Variants in GPHN observed in about 807,000 individuals in gnomAD.
GPHN encodes gephyrin.
Under a neutral mutation model 95.5 loss-of-function variants are expected in GPHN, and 17 were observed. The observed-to-expected ratio is 0.18, with a 90% CI of 0.12 to 0.27. The LOEUF (loss-of-function observed/expected upper bound fraction) is 0.27, where lower values mean the gene tolerates loss of function less well. GPHN is among the 10% of genes least tolerant of loss of function. The probability of loss-of-function intolerance (pLI) is 1.00; values close to 1 mark genes in which losing one functional copy is unlikely to be tolerated. For synonymous variants in GPHN, 320 were observed against 322.5 expected (o/e 0.99, Z 0.08); for missense variants, 660 against 978.1 (o/e 0.67, Z 4.34).
chr14:67,159,531 G>T (rs1264403803), intron 19 of GPHN, 43 bp downstream of exon 19: 2 of 1,151,090 alleles, frequency 1.7e-6, no homozygotes, highest in African/African-American at 3.0e-5. Context: ...GGTTGGTTTG[G>T]CTTGCTTTAA....
intron 1 of GPHN, among the ~76,000 whole-genome samples, chr14:66,676,536 C>T (rs760541988): frequency 6.6e-6 from 1 of 151,888 alleles, no homozygotes; most frequent in Non-Finnish European, 1.5e-5. Context: ...TTATCAGATG[C>T]TTTCTTTGGA....
At chr14:67,067,220 A>G (rs1427214047) in intron 11 of GPHN, among the ~76,000 whole-genome samples, 1 of 152,136 alleles carries the variant, frequency 6.6e-6, no homozygotes, top group Non-Finnish European at 1.5e-5. Flanking sequence ...AGTTTGCTGG[A>G]GGTCCACTCC....
chr14:67,111,406 T>C (rs2078364186), intron 14 of GPHN, among the ~76,000 whole-genome samples: 1 of 152,198 alleles, frequency 6.6e-6, no homozygotes, highest in Non-Finnish European at 1.5e-5. Flanking sequence ...AGGCAAACTA[T>C]AAGTCCTTTA....
At chr14:66,863,057 G>T (rs1209438959) in intron 4 of GPHN, among the ~76,000 whole-genome samples, 1 of 151,994 alleles carries the variant, frequency 6.6e-6, no homozygotes, top group Non-Finnish European at 1.5e-5. Context: ...CAGATGATAT[G>T]ATATTATATC....
Position 66,545,716 on chromosome 14 carries a change from G to A in GPHN, c.64+37125G>A, listed in dbSNP as rs1232878585. 8.1e-3 allele frequency among the ~76,000 whole-genome samples: 1,150 copies of A among 141,572 alleles called. 9 individuals carry two copies. Among genetic ancestry groups the A allele is most frequent in the Non-Finnish European group, 0.013 (811 of 64,624 alleles). 92.9% of individuals were successfully genotyped at this position (141,572 alleles called of 152,430 possible). A position where few individuals can be genotyped will look rare whatever the true frequency, so the allele number is the denominator to read the frequency against. ...AGGCGCCCCTCACCTCCCGGACGGG[G>A]TGGCTGGCCGGGCGGGGGGCTGACC... On this transcript the variant is annotated intron_variant, in intron 1 of 22. Transcript: ENST00000478722.
At chr14:67,177,829 G>A (rs1175009157) in intron 21 of GPHN, among the ~76,000 whole-genome samples, 1 of 152,182 alleles carries the variant, frequency 6.6e-6, no homozygotes, top group East Asian at 1.9e-4. Context: ...TTACCATTAA[G>A]TAATGGCCTT....
chr14:67,626,352 G>A, the GPHN span, among the ~76,000 whole-genome samples: 18 of 152,114 alleles, frequency 1.2e-4, no homozygotes, highest in African/African-American at 3.6e-4. Context: ...TATTGGTGAG[G>A]GTGTAAAAAG....
the GPHN span, among the ~76,000 whole-genome samples, chr14:67,525,380 T>G: frequency 1.3e-5 from 2 of 152,254 alleles, no homozygotes; most frequent in Non-Finnish European, 2.9e-5. Context: ...GATGGCTGCA[T>G]AGTATTTCAT....
At chr14:67,509,013 C>A in the GPHN span, among the ~76,000 whole-genome samples, 1 of 151,964 alleles carries the variant, frequency 6.6e-6, no homozygotes, top group Admixed American at 6.6e-5. Flanking sequence ...GGATTGGGGT[C>A]AAGAATCTGC....
intron 8 of GPHN, among the ~76,000 whole-genome samples, chr14:66,946,986 A>C (rs1056967324): frequency 1.3e-5 from 2 of 152,112 alleles, no homozygotes. Flanking sequence ...GCCAGAGTCG[A>C]CTTTTTAAAA....
intron 2 of GPHN, among the ~76,000 whole-genome samples, chr14:66,772,319 T>G (rs988247701): frequency 1.3e-5 from 2 of 152,248 alleles, no homozygotes; most frequent in Non-Finnish European, 2.9e-5. Flanking sequence ...CCCATCTGAT[T>G]ACTTAGATAG....
the GPHN span, among the ~76,000 whole-genome samples, chr14:67,415,515 T>G: frequency 3.3e-5 from 5 of 152,208 alleles, no homozygotes; most frequent in Non-Finnish European, 5.9e-5. Context: ...GGTGTAAATT[T>G]TTAAAATTCT....
At chr14:67,610,686 T>C in the GPHN span, among the ~76,000 whole-genome samples, 1 of 152,118 alleles carries the variant, frequency 6.6e-6, no homozygotes, top group Non-Finnish European at 1.5e-5. Context: ...GGTCCTGACA[T>C]CACCCACACT....
intron 6 of GPHN, 56 bp downstream of exon 6, chr14:66,916,125 AAGTT>A: frequency 8.3e-7 from 1 of 1,201,790 alleles, no homozygotes; most frequent in Non-Finnish European, 1.2e-6. Flanking sequence ...CCAGCCGTGA[AAGTT>A]AGCCAGCCAA....
At position 66,965,316 on chromosome 14, in the gene GPHN, A is replaced by G. The variant is rs2069245180; in HGVS notation, c.954A>G (p.Pro318=). The change falls in exon 9 of 23, where the codon CCA becomes CCG. Residue 318 remains proline, a synonymous_variant. Coordinates refer to ENST00000478722, the MANE Select transcript of GPHN (RefSeq NM_020806.5). Reference sequence around the variant, plus strand: ...CTCGCCTCTCTACAGCTTCCTGCCCAACACCAAAAGTAAGTATGGTTCCTT... The same window carrying G: ...CTCGCCTCTCTACAGCTTCCTGCCCGACACCAAAAGTAAGTATGGTTCCTT... ...ATSRLSTASC[P]TPKVQSRCSS... 1.2e-6 allele frequency: 2 copies of G among 1,613,740 alleles called. No individual in the cohort carries two copies. The highest frequency in any genetic ancestry group is 1.7e-6 in the Non-Finnish European group (2 of 1,179,754).
chr14:66,738,177 A>G (rs1218936845), intron 2 of GPHN, among the ~76,000 whole-genome samples: 4 of 152,228 alleles, frequency 2.6e-5, no homozygotes, highest in East Asian at 1.9e-4. Context: ...TAGGCTTTCT[A>G]TATTCATTCT....
At chr14:67,620,377 T>A in the GPHN span, among the ~76,000 whole-genome samples, 3 of 149,028 alleles carry the variant, frequency 2.0e-5, no homozygotes, top group South Asian at 6.6e-4. Flanking sequence ...CAGCTTGGGG[T>A]AATGGAGGGG....
At chr14:67,018,818 G>C (rs2073447012) in intron 9 of GPHN, among the ~76,000 whole-genome samples, 1 of 152,084 alleles carries the variant, frequency 6.6e-6, no homozygotes, top group Non-Finnish European at 1.5e-5. Context: ...TCTCCTTTGA[G>C]CCACAATCTT....
intron 2 of GPHN, among the ~76,000 whole-genome samples, chr14:66,718,351 T>G: frequency 6.6e-6 from 1 of 151,858 alleles, no homozygotes; most frequent in African/African-American, 2.4e-5. Flanking sequence ...ACGTCCGGAG[T>G]TGTTTGTTCC....
Sources: allele counts gnomAD v4.1 joint callset (sites outside exome capture counted in the v4.1 genomes callset), GRCh38; gene constraint gnomAD v4.1.1; transcripts MANE v1.5; gene names NCBI Gene and HGNC (gene_info 2026-07-23, HGNC 2026-07-21).